The following ACSF2 variants were observed in gnomAD, a reference collection of about 807,000 sequenced individuals.
ACSF2 encodes medium-chain acyl-CoA ligase ACSF2, mitochondrial.
Under a neutral mutation model 79.3 loss-of-function variants are expected in ACSF2, and 52 were observed. The ratio of observed to expected loss-of-function variants is 0.66; its 90% CI spans 0.53 to 0.83. The LOEUF (loss-of-function observed/expected upper bound fraction) is 0.83, where lower values mean the gene tolerates loss of function less well. Among genes scored for constraint, ACSF2 ranks in the 40% least tolerant of loss-of-function variants. The probability of loss-of-function intolerance (pLI) is 0.00; values close to 1 mark genes in which losing one functional copy is unlikely to be tolerated. For missense variants in ACSF2, 661 were observed against 803.3 expected (o/e 0.82, Z 2.14); for synonymous variants, 283 against 312.6 (o/e 0.91, Z 1.00).
intron 1 of ACSF2, among the ~76,000 whole-genome samples, chr17:50,456,066 C>T (rs551577844): frequency 4.6e-5 from 7 of 152,318 alleles, no homozygotes; most frequent in South Asian, 2.1e-4. Flanking sequence ...AGAAGATATA[C>T]GTGGTCTTCC....
chr17:50,426,984 G>C, intron 1 of ACSF2: 1 of 1,535,740 alleles, frequency 6.5e-7, no homozygotes, highest in Non-Finnish European at 8.7e-7. Context: ...AGCACAGTAA[G>C]TAAAGCTGCC....
rs144030994 is a variant in ACSF2 at position 50,465,353 on chromosome 17, G to T, written c.1215+1059G>T. On this transcript the variant is annotated intron_variant, in intron 10 of 15. Coordinates refer to ENST00000300441, the MANE Select transcript of ACSF2 (RefSeq NM_025149.6). ...GGTGGGGAACTTGCAGCTGCGGAAG[G>T]CGTCCGTGTCACGGATGTGCTGGCC... The T allele has an allele frequency of 4.8e-3, 7,772 of 1,614,094 alleles. 27 individuals carry two copies. Among genetic ancestry groups the T allele is most frequent in the Non-Finnish European group, 5.7e-3 (6,713 of 1,180,014 alleles).
intron 1 of ACSF2, among the ~76,000 whole-genome samples, chr17:50,435,360 T>C (rs1320277480): frequency 6.6e-6 from 1 of 152,114 alleles, no homozygotes; most frequent in African/African-American, 2.4e-5. Flanking sequence ...CTTTGTAGCT[T>C]TTTTTCATCC....
Position 50,463,618 on chromosome 17 carries a change from TG to T in ACSF2, c.1046+67del, listed in dbSNP as rs2032488756. The T allele has an allele frequency of 1.3e-6, 2 of 1,571,810 alleles. No homozygotes were observed. Among genetic ancestry groups the T allele is most frequent in the Admixed American group, 3.5e-5 (2 of 57,950 alleles). ...CCTCTTCTTCCTCACTCCTGGGCCC[TG>T]ACACCTTTCCAAGCTGCCTCCTCCC... On this transcript the variant is annotated intron_variant, in intron 8 of 15. Coordinates refer to ENST00000300441, the MANE Select transcript of ACSF2 (RefSeq NM_025149.6). This position sits in a 1 kb window ranked among gnomAD's most constrained non-coding sequence, Gnocchi z 4.6.
rs2143810117 is a variant in ACSF2 at position 50,472,423 on chromosome 17, C to G, written c.1324-5C>G. ...AAGCCCCAACCTGAGGCCATCCTGTCCCAGGCCCGGATCATGAACATGGAG... is the reference window on the plus strand; with the variant it reads ...AAGCCCCAACCTGAGGCCATCCTGTGCCAGGCCCGGATCATGAACATGGAG... On this transcript the variant is annotated splice_region_variant and splice_polypyrimidine_tract_variant and intron_variant, in intron 11 of 15. Coordinates refer to ENST00000300441, the MANE Select transcript of ACSF2 (RefSeq NM_025149.6). The G allele has an allele frequency of 1.2e-6, 2 of 1,610,602 alleles. 1 individual carries two copies. The highest frequency in any genetic ancestry group is 2.2e-5 in the South Asian group (2 of 90,524).
intron 10 of ACSF2, chr17:50,468,735 A>C (rs761494233): frequency 6.2e-7 from 1 of 1,609,350 alleles, no homozygotes; most frequent in Non-Finnish European, 8.5e-7. Flanking sequence ...TGGCAGTGGC[A>C]GTTCTGGGGG....
chr17:50,464,769 T>TGGGGGGGGGGG, intron 10 of ACSF2: 1 of 164,260 alleles, frequency 6.1e-6, no homozygotes, highest in South Asian at 5.2e-5. Context: ...CTGATTGACT[T>TGGGGGGGGGGG]GGGGGGGGGG....
intron 11 of ACSF2, 181 bp from the exon 12 acceptor site, chr17:50,472,247 C>T: frequency 1.5e-6 from 1 of 650,230 alleles, no homozygotes; most frequent in Non-Finnish European, 2.5e-6. Flanking sequence ...CTCTCACTGG[C>T]TTTGGGTCGA....
At chr17:50,466,001 A>G (rs944677499) in intron 10 of ACSF2, 1 of 930,276 alleles carries the variant, frequency 1.1e-6, no homozygotes, top group Non-Finnish European at 1.7e-6. Context: ...CCCAGTTTTC[A>G]AAGCAGTATG....
At chr17:50,438,954 C>T (rs186929988) in intron 1 of ACSF2, among the ~76,000 whole-genome samples, 19 of 152,202 alleles carry the variant, frequency 1.2e-4, no homozygotes, top group Admixed American at 4.6e-4. Context: ...ATCATTTGAT[C>T]TGTTTTTAAA....
chr17:50,431,284 A>T (rs2029901612), intron 1 of ACSF2, among the ~76,000 whole-genome samples: 1 of 152,248 alleles, frequency 6.6e-6, no homozygotes, highest in Non-Finnish European at 1.5e-5. Context: ...GGTAATAAAA[A>T]GATGAATGAG....
intron 2 of ACSF2, 94 bp downstream of exon 2, chr17:50,460,966 G>C (rs975564480): frequency 2.1e-5 from 30 of 1,406,864 alleles, no homozygotes; most frequent in Non-Finnish European, 2.6e-5. Context: ...CCTGGCTATG[G>C]GGCAATGTGC....
chr17:50,462,033 T>C lies in ACSF2; in HGVS notation c.508-151T>C. ...CTCGGGGCTGGTACATGTGTGCATT[T>C]GTCTTGGAGTGTGGTGCCTGTGAGT... On this transcript the variant is annotated intron_variant, in intron 4 of 15. Transcript: ENST00000300441. 5.9e-6 allele frequency: 4 copies of C among 674,624 alleles called. No individual in the cohort carries two copies. The South Asian group carries it at 7.0e-5, about 12-fold the overall frequency. 41.8% of individuals were successfully genotyped at this position (674,624 alleles called of 1,614,324 possible).
chr17:50,432,393 C>T (rs1473537658), intron 1 of ACSF2, among the ~76,000 whole-genome samples: 17 of 152,308 alleles, frequency 1.1e-4, no homozygotes, highest in Admixed American at 1.0e-3. Context: ...CTTACAGTGA[C>T]CCCAAGGCCC....
intron 1 of ACSF2, among the ~76,000 whole-genome samples, chr17:50,457,927 G>T (rs1263166106): frequency 1.3e-5 from 2 of 152,152 alleles, no homozygotes; most frequent in African/African-American, 4.8e-5. Context: ...AATCACATGG[G>T]ATTCTGTTAA....
chr17:50,474,277 G>A lies in ACSF2; in HGVS notation c.1797+10G>A, dbSNP rs1205102953. ...CACCATTTCAGGAAAGGTGTGTAAG[G>A]TGGAGGAGGCTGGGGAGGGCAGCCT... On this transcript the variant is annotated intron_variant, in intron 15 of 15. Coordinates refer to ENST00000300441, the MANE Select transcript of ACSF2 (RefSeq NM_025149.6). The surrounding 1 kb of genome is among the most constrained non-coding windows in gnomAD (Gnocchi z 4.2). The A allele has an allele frequency of 6.2e-7, 1 of 1,614,206 alleles. No homozygotes were observed. Among genetic ancestry groups the A allele is most frequent in the Admixed American group, 1.7e-5 (1 of 60,026 alleles).
chr17:50,463,015 C>A lies in ACSF2; in HGVS notation c.793-141C>A. The A allele has an allele frequency of 1.4e-6, 1 of 724,928 alleles. No individual in the cohort carries two copies. Among genetic ancestry groups the A allele is most frequent in the Non-Finnish European group, 2.3e-6 (1 of 425,746 alleles). The allele number at this position is 724,928 out of a possible 1,614,324, so 44.9% of individuals were successfully genotyped here. On this transcript the variant is annotated intron_variant, in intron 6 of 15. Coordinates refer to ENST00000300441, the MANE Select transcript of ACSF2 (RefSeq NM_025149.6). The surrounding 1 kb of genome is among the most constrained non-coding windows in gnomAD (Gnocchi z 4.6). ...CCTGACACCTGGTATCGTGGTAGAC[C>A]TTTTGCAAATATACTGAACAGATGG... is the stretch of plus-strand genomic sequence containing the variant.
At chr17:50,453,761 T>G (rs1474970862) in intron 1 of ACSF2, among the ~76,000 whole-genome samples, 1 of 150,406 alleles carries the variant, frequency 6.6e-6, no homozygotes, top group Non-Finnish European at 1.5e-5. Flanking sequence ...TGTTTTGGGT[T>G]TGTGTGTGTG....
chr17:50,429,473 G>A (rs1023409851), intron 1 of ACSF2, among the ~76,000 whole-genome samples: 21 of 151,108 alleles, frequency 1.4e-4, no homozygotes, highest in Admixed American at 3.3e-4. Flanking sequence ...TCTGCTGGAC[G>A]TCCTCCTCTC....
Sources: allele counts gnomAD v4.1 joint callset (sites outside exome capture counted in the v4.1 genomes callset), GRCh38; gene constraint gnomAD v4.1.1; non-coding constraint Gnocchi (gnomAD v3.1); transcripts MANE v1.5; gene names NCBI Gene and HGNC (gene_info 2026-07-23, HGNC 2026-07-21).